WDR45B: variants seen among roughly 807,000 people sequenced by gnomAD.
WDR45B encodes the protein WD repeat domain 45B.
Under a neutral mutation model 44.6 loss-of-function variants are expected in WDR45B, and 20 were observed. That is an observed-to-expected ratio of 0.45 (90% CI 0.32 to 0.65). WDR45B has a LOEUF of 0.65. WDR45B is among the 30% of genes least tolerant of loss of function. WDR45B has a pLI of 0.05. For missense variants in WDR45B, 323 were observed against 430.2 expected, an observed-to-expected ratio of 0.75 and a Z score of 2.20; for synonymous variants, 169 against 164.9, an observed-to-expected ratio of 1.02 and a Z score of -0.19.
chr17:82,630,024 C>T (rs908555470), intron 3 of WDR45B: 39 of 978,590 alleles, frequency 4.0e-5, no homozygotes, highest in African/African-American at 1.4e-4. Context: ...CTGAGACCAC[C>T]GGTGGCCTTC....
intron 1 of WDR45B, 21 bp downstream of exon 1, chr17:82,648,253 G>T (rs749946659): frequency 1.2e-6 from 2 of 1,600,044 alleles, no homozygotes; most frequent in African/African-American, 2.7e-5. Flanking sequence ...CGGGCAAGGC[G>T]ACAGGGCCGC....
chr17:82,616,969 C>T (rs1240751996), intron 8 of WDR45B, among the ~76,000 whole-genome samples: 1 of 152,166 alleles, frequency 6.6e-6, no homozygotes, highest in African/African-American at 2.4e-5. Flanking sequence ...AGGCACCCGC[C>T]ACCACGCCCG....
At chr17:82,627,985 C>G (rs2045720881) in intron 3 of WDR45B, among the ~76,000 whole-genome samples, 1 of 152,170 alleles carries the variant, frequency 6.6e-6, no homozygotes, top group Admixed American at 6.5e-5. Context: ...CTGGGTTGTT[C>G]TTCCTCTTTT....
intron 6 of WDR45B, among the ~76,000 whole-genome samples, 178 bp downstream of exon 6, chr17:82,621,431 A>G (rs1027313108): frequency 6.6e-6 from 1 of 152,218 alleles, no homozygotes; most frequent in Non-Finnish European, 1.5e-5. Context: ...TGGGCACAAG[A>G]CGACCTGTGA....
chr17:82,619,654 A>G (rs578259178), intron 6 of WDR45B, among the ~76,000 whole-genome samples: 1 of 152,322 alleles, frequency 6.6e-6, no homozygotes, highest in East Asian at 1.9e-4. Flanking sequence ...GGAAGTTTTT[A>G]ACATCTCCTC....
intron 2 of WDR45B, among the ~76,000 whole-genome samples, chr17:82,635,273 C>A (rs1024969852): frequency 1.3e-5 from 2 of 151,708 alleles, no homozygotes; most frequent in Non-Finnish European, 2.9e-5. Context: ...TTTAGAAACA[C>A]ATCTGAGTGA....
chr17:82,646,614 T>C (rs557920664), intron 1 of WDR45B, among the ~76,000 whole-genome samples: 49 of 152,108 alleles, frequency 3.2e-4, no homozygotes, highest in African/African-American at 1.2e-3. Context: ...AGGGAGCATT[T>C]ATTGGAATCA....
At chr17:82,625,179 GC>G (rs2143287900) in intron 5 of WDR45B, among the ~76,000 whole-genome samples, 1 of 152,224 alleles carries the variant, frequency 6.6e-6, no homozygotes, top group Non-Finnish European at 1.5e-5. Flanking sequence ...GGGGACAGGG[GC>G]CCCCACTCTG....
chr17:82,639,409 G>GT (rs1301590335), intron 2 of WDR45B, among the ~76,000 whole-genome samples: 1 of 151,980 alleles, frequency 6.6e-6, no homozygotes, highest in Non-Finnish European at 1.5e-5. Context: ...AATGAACACA[G>GT]CTTGCCAAAT....
chr17:82,621,647 T>C lies in WDR45B; in HGVS notation c.580A>G (p.Asn194Asp). 4 of 1,614,224 alleles carry C rather than the reference T, an allele frequency of 2.5e-6. No individual in the cohort carries two copies. Among genetic ancestry groups the C allele is most frequent in the Non-Finnish European group, 3.4e-6 (4 of 1,180,048 alleles). The change falls in exon 6 of 10, where the codon AAC (asparagine) becomes GAC (aspartate). Residue 194 changes from asparagine (N) to aspartate (D), a missense_variant. Physicochemically the swap from Asn to Asp is conservative, Grantham distance 23 (BLOSUM62 1). Transcript: ENST00000392325. ...HEGVLSCIAL[N>D]LQGTRIATAS... is the part of the protein sequence containing the mutation. ...GTTGCAATTCTTGTTCCCTGCAGGT[T>C]GAGTGCAATGCAGCTCAGGACACCC...
chr17:82,639,783 G>A (rs1238624078), intron 2 of WDR45B, among the ~76,000 whole-genome samples: 2 of 147,468 alleles, frequency 1.4e-5, no homozygotes, highest in Admixed American at 1.4e-4. Context: ...GGCTGTGTGT[G>A]TGTGGGGTCG....
At chr17:82,617,174 G>A (rs1454341485) in intron 8 of WDR45B, 122 bp downstream of exon 8, 2 of 841,504 alleles carry the variant, frequency 2.4e-6, no homozygotes, top group Non-Finnish European at 4.0e-6. Context: ...TTTCAGCGCT[G>A]ATAGCATATG....
At chr17:82,630,673 G>A (rs2045755625) in intron 3 of WDR45B, among the ~76,000 whole-genome samples, 1 of 152,086 alleles carries the variant, frequency 6.6e-6, no homozygotes, top group African/African-American at 2.4e-5. Context: ...GGTGCAGCAG[G>A]CCCGTTTTCC....
chr17:82,645,185 C>G (rs1451750715), intron 1 of WDR45B, among the ~76,000 whole-genome samples: 3 of 151,848 alleles, frequency 2.0e-5, no homozygotes, highest in Non-Finnish European at 4.4e-5. Flanking sequence ...GTAATCCCAG[C>G]TACTCAGGAG....
chr17:82,619,254 A>G, intron 6 of WDR45B, 126 bp from the exon 7 acceptor site: 1 of 809,250 alleles, frequency 1.2e-6, no homozygotes, highest in South Asian at 1.5e-5. Flanking sequence ...CACATCATCT[A>G]CTACTTAACT....
chr17:82,623,590 C>G (rs536800289), intron 5 of WDR45B, among the ~76,000 whole-genome samples: 7 of 150,228 alleles, frequency 4.7e-5, no homozygotes, highest in African/African-American at 1.7e-4. Flanking sequence ...CCCAGCTACT[C>G]AGGAGGCTGA....
rs1455515840 is a variant in WDR45B, at chr17:82,615,158, A to C, written c.*761T>G. 1 of 152,634 alleles carries C rather than the reference A, an allele frequency of 6.6e-6. No individual in the cohort carries two copies. Among genetic ancestry groups the C allele is most frequent in the African/African-American group, 2.4e-5 (1 of 41,430 alleles). The allele number at this position is 152,634 out of a possible 1,614,324, so 9.5% of individuals were successfully genotyped here. On this transcript the variant is annotated 3_prime_UTR_variant, in exon 10 of 10. Coordinates refer to ENST00000392325, the MANE Select transcript of WDR45B (RefSeq NM_019613.4). ...AACCGGGAAACAGGTTTAATCCAAA[A>C]TGTAACCAGGAGACCCCCCGTCCCC...
At position 82,642,370 on chromosome 17, in the gene WDR45B, G is replaced by C. The variant is rs981651632; in HGVS notation, c.142+1579C>G. On this transcript the variant is annotated intron_variant, in intron 2 of 9. Coordinates refer to ENST00000392325, the MANE Select transcript of WDR45B (RefSeq NM_019613.4). ...CTGAGACTCTAATGCCTGATGATCTGAGTGGGAACAGTTTCATCCCGAAAC... is the reference window on the plus strand; with the variant it reads ...CTGAGACTCTAATGCCTGATGATCTCAGTGGGAACAGTTTCATCCCGAAAC... Among the ~76,000 whole-genome samples the C allele has an allele frequency of 2.6e-5, 4 of 152,240 alleles. No individual in the cohort carries two copies. The East Asian group carries it at 7.7e-4, about 29-fold the overall frequency.
At chr17:82,634,177 C>T (rs1412513618) in intron 2 of WDR45B, among the ~76,000 whole-genome samples, 1 of 86,474 alleles carries the variant, frequency 1.2e-5, no homozygotes, top group Non-Finnish European at 2.6e-5. Context: ...AAAAAAAAGG[C>T]TGATTTTTAT....
Sources: gnomAD v4.1 joint callset for allele counts (sites outside exome capture counted in the v4.1 genomes callset) on GRCh38, gnomAD v4.1.1 for gene constraint, MANE v1.5 for transcripts, NCBI Gene and HGNC (gene_info 2026-07-23, HGNC 2026-07-21) for gene names.